GRIA4: variants seen among roughly 807,000 people sequenced by gnomAD.
The protein encoded by GRIA4 is glutamate receptor 4.
GRIA4 carries 34 observed loss-of-function variants against 104.0 expected under a neutral mutation model. The ratio of observed to expected loss-of-function variants is 0.33; its 90% CI spans 0.25 to 0.44. GRIA4 has a LOEUF of 0.44. Ranked by LOEUF, GRIA4 falls within the 20% of genes least tolerant of loss-of-function variation. The pLI, the probability that GRIA4 is intolerant of heterozygous loss-of-function variation, is 1.00. For missense variants in GRIA4, 750 were observed against 1,096.5 expected (o/e 0.68, Z 4.46); for synonymous variants, 386 against 381.9 (o/e 1.01, Z -0.13).
At chr11:105,642,688 G>A (rs143732749) in intron 3 of GRIA4, among the ~76,000 whole-genome samples, 113 of 152,078 alleles carry the variant, frequency 7.4e-4, no homozygotes, top group African/African-American at 2.6e-3. Context: ...TGTTGGACTC[G>A]TATTAATACC....
intron 5 of GRIA4, among the ~76,000 whole-genome samples, chr11:105,872,149 TCTTAAAC>T (rs1412300333): frequency 6.6e-6 from 1 of 152,072 alleles, no homozygotes; most frequent in African/African-American, 2.4e-5. Context: ...CAAAGAAACC[TCTTAAAC>T]CTTATTTAAC....
At chr11:105,704,158 T>A (rs974679877) in intron 3 of GRIA4, among the ~76,000 whole-genome samples, 1 of 152,168 alleles carries the variant, frequency 6.6e-6, no homozygotes, top group Non-Finnish European at 1.5e-5. Flanking sequence ...TGGCCCATTC[T>A]CCCATGCTGC....
At chr11:105,897,627 C>A (rs1406683048) in intron 6 of GRIA4, among the ~76,000 whole-genome samples, 1 of 152,006 alleles carries the variant, frequency 6.6e-6, no homozygotes, top group Non-Finnish European at 1.5e-5. Flanking sequence ...AAGTATGTTG[C>A]ATTTTATCAA....
chr11:105,722,187 C>T (rs1204798857), intron 3 of GRIA4, among the ~76,000 whole-genome samples: 1 of 152,110 alleles, frequency 6.6e-6, no homozygotes, highest in Non-Finnish European at 1.5e-5. Flanking sequence ...TGTATACAGA[C>T]AGTCCCTGAC....
chr11:105,695,430 G>A lies in GRIA4; in HGVS notation c.248-57551G>A, dbSNP rs145741984. 3.8e-4 allele frequency among the ~76,000 whole-genome samples: 57 copies of A among 151,852 alleles called. No individual in the cohort carries two copies. The East Asian group carries it at 0.011, about 28-fold the overall frequency. On this transcript the variant is annotated intron_variant, in intron 3 of 16. Coordinates refer to ENST00000282499, the MANE Select transcript of GRIA4 (RefSeq NM_000829.4). ...TTATGCTTTTCATCCTGGAGAGAGA[G>A]AGAGTGTATGCGTGCGTGTGTGTGT...
At chr11:105,627,947 A>G (rs1278712731) in intron 3 of GRIA4, among the ~76,000 whole-genome samples, 1 of 152,216 alleles carries the variant, frequency 6.6e-6, no homozygotes, top group African/African-American at 2.4e-5. Context: ...TGGCACAAAT[A>G]AGAATCTGTA....
intron 4 of GRIA4, among the ~76,000 whole-genome samples, chr11:105,782,560 T>C (rs1435822979): frequency 1.3e-5 from 2 of 152,162 alleles, no homozygotes; most frequent in Admixed American, 1.3e-4. Flanking sequence ...TTTAAGGTGG[T>C]TTTTTCACAT....
At chr11:105,873,743 C>G (rs928450744) in intron 5 of GRIA4, among the ~76,000 whole-genome samples, 1 of 152,092 alleles carries the variant, frequency 6.6e-6, no homozygotes, top group Non-Finnish European at 1.5e-5. Context: ...TGTTCATATA[C>G]TTTGCTCACT....
intron 4 of GRIA4, among the ~76,000 whole-genome samples, chr11:105,845,883 T>A (rs1180484408): frequency 2.0e-5 from 3 of 151,962 alleles, no homozygotes; most frequent in African/African-American, 7.3e-5. Flanking sequence ...AGAGAGAGAC[T>A]CCGTCTCAAA....
chr11:105,871,863 C>A (rs887236957), intron 5 of GRIA4, among the ~76,000 whole-genome samples: 1 of 151,890 alleles, frequency 6.6e-6, no homozygotes, highest in African/African-American at 2.4e-5. Flanking sequence ...ATGAACTGAA[C>A]ATATTTTATA....
intron 2 of GRIA4, 47 bp downstream of exon 2, chr11:105,611,132 T>C (rs1460620156): frequency 3.0e-6 from 4 of 1,329,202 alleles, no homozygotes; most frequent in Non-Finnish European, 3.3e-6. Context: ...TTGTAGCAGA[T>C]ATCCGAAAGT....
At chr11:105,620,915 G>A (rs1950727473) in intron 3 of GRIA4, among the ~76,000 whole-genome samples, 1 of 151,364 alleles carries the variant, frequency 6.6e-6, no homozygotes, top group Non-Finnish European at 1.5e-5. Context: ...TTTTGGGGGG[G>A]GTCATATTTT....
At chr11:105,888,271 CTTTTTTTTT>C (rs71469040) in intron 6 of GRIA4, among the ~76,000 whole-genome samples, 19 of 54,574 alleles carry the variant, frequency 3.5e-4, no homozygotes, top group African/African-American at 6.4e-4. Context: ...ATGTTTTCTC[CTTTTTTTTT>C]TTTTTTTTTT....
intron 4 of GRIA4, among the ~76,000 whole-genome samples, chr11:105,861,564 A>C (rs1591363466): frequency 6.6e-6 from 1 of 152,286 alleles, no homozygotes; most frequent in Middle Eastern, 3.4e-3. Flanking sequence ...ATACTGTTGT[A>C]CTGTTTCTTT....
intron 4 of GRIA4, among the ~76,000 whole-genome samples, chr11:105,829,083 C>A: frequency 1.3e-5 from 1 of 76,188 alleles, no homozygotes; most frequent in Admixed American, 1.4e-4. Flanking sequence ...TGTGCTATAT[C>A]CAGTGATGTA....
At chr11:105,842,823 A>G (rs938576670) in intron 4 of GRIA4, 5 of 152,330 alleles carry the variant, frequency 3.3e-5, no homozygotes, top group East Asian at 1.9e-4. Context: ...AGATCAACCA[A>G]TTGGTGAAGG....
At chr11:105,714,660 T>C (rs1039627086) in intron 3 of GRIA4, among the ~76,000 whole-genome samples, 9 of 152,152 alleles carry the variant, frequency 5.9e-5, no homozygotes, top group African/African-American at 2.2e-4. Flanking sequence ...CAAGACCCTA[T>C]ATTGCTGAAA....
At chr11:105,951,229 G>C (rs780956515) in intron 14 of GRIA4, among the ~76,000 whole-genome samples, 1 of 152,162 alleles carries the variant, frequency 6.6e-6, no homozygotes, top group Non-Finnish European at 1.5e-5. Flanking sequence ...AGACAGTGGG[G>C]GAGTCCACAC....
At chr11:105,813,433 C>T (rs17104583) in intron 4 of GRIA4, among the ~76,000 whole-genome samples, 16,474 of 152,076 alleles carry the variant, frequency 0.11, 2,263 homozygotes, top group African/African-American at 0.32. Flanking sequence ...AAGGAGGAGA[C>T]TGATATACAG....
Sources: allele counts gnomAD v4.1 joint callset (sites outside exome capture counted in the v4.1 genomes callset), GRCh38; gene constraint gnomAD v4.1.1; transcripts MANE v1.5; gene names NCBI Gene and HGNC (gene_info 2026-07-23, HGNC 2026-07-21).